The following PRMT3 variants were observed in gnomAD, a reference collection of about 807,000 sequenced individuals.
PRMT3 encodes the protein protein arginine methyltransferase 3, also known as protein arginine N-methyltransferase 3.
A neutral mutation model predicts 71.9 loss-of-function variants in PRMT3; 62 were observed. That is an observed-to-expected ratio of 0.86 (90% CI 0.70 to 1.07). The LOEUF (loss-of-function observed/expected upper bound fraction) is 1.07, where lower values mean the gene tolerates loss of function less well. PRMT3 is among the 50% of genes least tolerant of loss of function. PRMT3 has a pLI of 0.00. For missense variants in PRMT3, 663 were observed against 643.0 expected, an observed-to-expected ratio of 1.03 and a Z score of -0.34; for synonymous variants, 213 against 220.4, an observed-to-expected ratio of 0.97 and a Z score of 0.30.
At chr11:20,434,856 G>A (rs1294077726) in intron 10 of PRMT3, among the ~76,000 whole-genome samples, 1 of 152,150 alleles carries the variant, frequency 6.6e-6, no homozygotes, top group Non-Finnish European at 1.5e-5. Context: ...GATTGCCTTG[G>A]TTATTTGGAC....
At chr11:20,447,029 T>C (rs1204348686) in intron 10 of PRMT3, among the ~76,000 whole-genome samples, 1 of 152,160 alleles carries the variant, frequency 6.6e-6, no homozygotes, top group Non-Finnish European at 1.5e-5. Flanking sequence ...CATTTTAAGA[T>C]GGAAGGGTCA....
intron 15 of PRMT3, among the ~76,000 whole-genome samples, chr11:20,496,083 A>G (rs887355386): frequency 1.3e-5 from 2 of 152,246 alleles, no homozygotes; most frequent in Non-Finnish European, 2.9e-5. Flanking sequence ...CTAGGCATGT[A>G]TTCTAAACAG....
At position 20,508,061 on chromosome 11, in the gene PRMT3, G is replaced by T. The variant is rs1383122552; in HGVS notation, c.1487-243G>T. Among the ~76,000 whole-genome samples the T allele has an allele frequency of 4.0e-5, 6 of 149,948 alleles. No individual in the cohort carries two copies. In the Admixed American group the frequency reaches 4.0e-4, roughly 10 times the overall value. On this transcript the variant is annotated intron_variant, in intron 15 of 15. Transcript: ENST00000331079. ...GCGGAGGTTGCAGTGAGCCAAGCTT[G>T]CACCAGTGCACTCCAGCCTGGGAGA...
At position 20,388,287 on chromosome 11, in the gene PRMT3, G is replaced by T. The variant is rs934931401; in HGVS notation, c.164+133G>T. Reference sequence around the variant, plus strand: ...TGAATTCTGGAACCACTGGTCTGGGGTGAGGGCTTGTGGAGAAGGAGGACC... The same window carrying T: ...TGAATTCTGGAACCACTGGTCTGGGTTGAGGGCTTGTGGAGAAGGAGGACC... On this transcript the variant is annotated intron_variant, in intron 2 of 15. Coordinates refer to ENST00000331079, the MANE Select transcript of PRMT3 (RefSeq NM_005788.4). 1.7e-5 allele frequency: 22 copies of T among 1,321,432 alleles called. No homozygotes were observed. The African/African-American group carries it at 2.9e-4, about 18-fold the overall frequency. 81.9% of individuals were successfully genotyped at this position (1,321,432 alleles called of 1,614,324 possible).
At chr11:20,493,631 C>T (rs1851262336) in intron 13 of PRMT3, among the ~76,000 whole-genome samples, 1 of 151,000 alleles carries the variant, frequency 6.6e-6, no homozygotes, top group African/African-American at 2.4e-5. Flanking sequence ...GAGTCTCTCT[C>T]TCCATGTGTG....
intron 9 of PRMT3, among the ~76,000 whole-genome samples, chr11:20,410,465 A>G (rs1269386679): frequency 7.0e-6 from 1 of 143,376 alleles, no homozygotes; most frequent in Admixed American, 7.3e-5. Flanking sequence ...AACAATTTCT[A>G]AAAAAAATTA....
intron 13 of PRMT3, among the ~76,000 whole-genome samples, chr11:20,480,476 A>G (rs185564521): frequency 6.6e-5 from 10 of 152,302 alleles, no homozygotes; most frequent in Admixed American, 3.3e-4. Flanking sequence ...TGGCTGGGAC[A>G]TGTAGATCAT....
intron 15 of PRMT3, among the ~76,000 whole-genome samples, chr11:20,495,826 T>G (rs1851319855): frequency 6.6e-6 from 1 of 152,142 alleles, no homozygotes; most frequent in Admixed American, 6.5e-5. Context: ...CAAGCTGCAG[T>G]GAAAAAAATC....
intron 9 of PRMT3, among the ~76,000 whole-genome samples, chr11:20,415,811 T>C (rs7929063): frequency 0.86 from 130,597 of 152,154 alleles, 57,092 homozygotes; most frequent in Non-Finnish European, 0.95. Context: ...AGAGTAACAT[T>C]ATTATTCTGC....
At chr11:20,392,664 C>T (rs1191764657) in intron 4 of PRMT3, among the ~76,000 whole-genome samples, 4 of 131,704 alleles carry the variant, frequency 3.0e-5, no homozygotes, top group East Asian at 2.3e-4. Flanking sequence ...TGTTTAATGA[C>T]ATGACAACGC....
chr11:20,400,212 A>C (rs1243096228), intron 7 of PRMT3, among the ~76,000 whole-genome samples: 1 of 152,154 alleles, frequency 6.6e-6, no homozygotes, highest in African/African-American at 2.4e-5. Context: ...ACATATTTTT[A>C]TGCTTGGCAT....
chr11:20,407,805 T>C (rs1849104229), intron 8 of PRMT3, 106 bp from the exon 9 acceptor site: 1 of 1,191,236 alleles, frequency 8.4e-7, no homozygotes, highest in Admixed American at 2.7e-5. Flanking sequence ...AGATTTTTAT[T>C]GTGATCTTTT....
chr11:20,417,541 A>G (rs991245264), intron 9 of PRMT3, among the ~76,000 whole-genome samples: 37 of 152,192 alleles, frequency 2.4e-4, no homozygotes, highest in African/African-American at 8.9e-4. Context: ...CATAGACCGT[A>G]TCTTTTACCT....
At chr11:20,504,202 C>G (rs968048467) in intron 15 of PRMT3, among the ~76,000 whole-genome samples, 2 of 152,166 alleles carry the variant, frequency 1.3e-5, no homozygotes, top group African/African-American at 2.4e-5. Context: ...AATAGTTCAT[C>G]TTTTCCCAAA....
At chr11:20,390,275 G>A (rs749245058) in intron 3 of PRMT3, among the ~76,000 whole-genome samples, 4 of 152,086 alleles carry the variant, frequency 2.6e-5, no homozygotes, top group East Asian at 1.9e-4. Context: ...TTTGACAAGC[G>A]GTCCTTGAGA....
chr11:20,449,023 T>G (rs996565847), intron 10 of PRMT3, among the ~76,000 whole-genome samples: 1 of 152,090 alleles, frequency 6.6e-6, no homozygotes, highest in Admixed American at 6.6e-5. Context: ...AATGACTTGG[T>G]TCAGAACCAA....
intron 13 of PRMT3, among the ~76,000 whole-genome samples, chr11:20,471,738 A>G (rs568121664): frequency 5.9e-5 from 9 of 152,142 alleles, no homozygotes; most frequent in African/African-American, 1.9e-4. Context: ...TCTGTGAAGG[A>G]TGTCCAATGG....
intron 13 of PRMT3, among the ~76,000 whole-genome samples, chr11:20,479,242 G>A (rs979930287): frequency 5.9e-5 from 9 of 152,068 alleles, no homozygotes; most frequent in African/African-American, 9.7e-5. Context: ...GTGGTGGTGC[G>A]AACATTTAAA....
At chr11:20,484,305 A>G (rs759548123) in intron 13 of PRMT3, among the ~76,000 whole-genome samples, 1 of 152,234 alleles carries the variant, frequency 6.6e-6, no homozygotes, top group East Asian at 1.9e-4. Context: ...TGGATGTATT[A>G]TACCCTACTC....
Sources: gnomAD v4.1 joint callset for allele counts (sites outside exome capture counted in the v4.1 genomes callset) on GRCh38, gnomAD v4.1.1 for gene constraint, MANE v1.5 for transcripts, NCBI Gene and HGNC (gene_info 2026-07-23, HGNC 2026-07-21) for gene names.